The following SH3RF1 variants were observed in gnomAD, a reference collection of about 807,000 sequenced individuals.
SH3RF1 encodes the protein SH3 domain containing ring finger 1, also known as E3 ubiquitin-protein ligase SH3RF1.
In SH3RF1, 32 loss-of-function variants were observed where a neutral mutation model predicts 74.0. The observed-to-expected ratio is 0.43, with a 90% CI of 0.33 to 0.58. SH3RF1 has a LOEUF of 0.58. Among genes scored for constraint, SH3RF1 ranks in the 20% least tolerant of loss-of-function variants. The pLI is 0.05. For missense variants in SH3RF1, 954 were observed against 1,130.9 expected, an observed-to-expected ratio of 0.84 and a Z score of 2.24; for synonymous variants, 396 against 439.6, an observed-to-expected ratio of 0.90 and a Z score of 1.24.
chr4:169,196,619 GC>G (rs1196071000), intron 2 of SH3RF1, among the ~76,000 whole-genome samples: 2 of 152,166 alleles, frequency 1.3e-5, no homozygotes, highest in Non-Finnish European at 2.9e-5. Flanking sequence ...AAAATTAGAA[GC>G]TGGACTTCCT....
intron 1 of SH3RF1, among the ~76,000 whole-genome samples, 173 bp from the exon 2 acceptor site, chr4:169,269,480 A>G (rs1731409788): frequency 6.6e-6 from 1 of 152,216 alleles, no homozygotes; most frequent in South Asian, 2.1e-4. Flanking sequence ...AACTGAAAAC[A>G]AAACAGGCTT....
chr4:169,249,838 A>G (rs747760701), intron 2 of SH3RF1, among the ~76,000 whole-genome samples: 8 of 152,222 alleles, frequency 5.3e-5, no homozygotes, highest in Non-Finnish European at 2.9e-5. Context: ...AATGAGTTGT[A>G]CATATAACCC....
chr4:169,244,042 T>C (rs1447838783), intron 2 of SH3RF1, among the ~76,000 whole-genome samples: 5 of 152,210 alleles, frequency 3.3e-5, no homozygotes, highest in Non-Finnish European at 7.3e-5. Context: ...GCATTCCTGT[T>C]CATTTCTGAT....
rs1733453113 is a variant in SH3RF1 at position 169,122,256 on chromosome 4, G to C, written c.1190C>G (p.Pro397Arg). 1 of 1,594,622 alleles carries C rather than the reference G, an allele frequency of 6.3e-7. No homozygotes were observed. The change falls in exon 7 of 12, where the codon CCT (proline) becomes CGT (arginine). Residue 397 changes from proline to arginine, a missense_variant. By Grantham distance (103) the Pro-to-Arg change is moderately radical. Transcript: ENST00000284637. ...CAGGAGAGGGGGTGGTGGAAGAGGA[G>C]GATTCAAAGTCTAGTATAGGAAAAA... The part of the protein sequence containing the change: ...PYQAALGTLN[P>R]PLPPPPLLAA...
intron 2 of SH3RF1, among the ~76,000 whole-genome samples, chr4:169,187,012 C>CGAA (rs1734616661): frequency 7.8e-6 from 1 of 127,516 alleles, no homozygotes; most frequent in Non-Finnish European, 1.6e-5. Flanking sequence ...GGCTCCATCG[C>CGAA]AAAAAAAAAA....
intron 2 of SH3RF1, among the ~76,000 whole-genome samples, chr4:169,263,479 T>A (rs1050844954): frequency 6.6e-6 from 1 of 152,242 alleles, no homozygotes; most frequent in Non-Finnish European, 1.5e-5. Context: ...TGTTCATAGA[T>A]GGATGTCAAA....
rs10024401 is a variant in SH3RF1, at chr4:169,156,389, A to G, written c.669+15T>C. On this transcript the variant is annotated intron_variant, in intron 3 of 11. Transcript: ENST00000284637. Reference sequence around the variant, plus strand: ...TAGAGCTGGCAAACAGAAAACAAGCACATTCTACCTTTACCTTTGCAAATG... The same window carrying G: ...TAGAGCTGGCAAACAGAAAACAAGCGCATTCTACCTTTACCTTTGCAAATG... The G allele has an allele frequency of 0.3, 465,016 of 1,540,414 alleles. 72,734 individuals are homozygous for G. Among genetic ancestry groups the G allele is most frequent in the African/African-American group, 0.41 (29,476 of 72,720 alleles).
chr4:169,192,549 T>C (rs1734737546), intron 2 of SH3RF1, among the ~76,000 whole-genome samples: 1 of 152,094 alleles, frequency 6.6e-6, no homozygotes. Context: ...GAATGTAAAC[T>C]AGTACAACCA....
intron 2 of SH3RF1, among the ~76,000 whole-genome samples, chr4:169,205,820 C>T (rs567405697): frequency 1.3e-5 from 2 of 152,266 alleles, no homozygotes; most frequent in South Asian, 2.1e-4. Context: ...CAGATATAGA[C>T]ATGTACAAAA....
At chr4:169,106,103 T>C (rs1733129737) in intron 11 of SH3RF1, among the ~76,000 whole-genome samples, 1 of 151,354 alleles carries the variant, frequency 6.6e-6, no homozygotes, top group African/African-American at 2.4e-5. Flanking sequence ...TGTGTATATA[T>C]ATTTATTATT....
intron 2 of SH3RF1, among the ~76,000 whole-genome samples, chr4:169,205,061 G>A (rs1244716475): frequency 6.6e-6 from 1 of 152,210 alleles, no homozygotes; most frequent in Non-Finnish European, 1.5e-5. Flanking sequence ...ACATGCAGTG[G>A]AGTTACCTGA....
At chr4:169,221,191 C>T (rs573486786) in intron 2 of SH3RF1, among the ~76,000 whole-genome samples, 1 of 152,314 alleles carries the variant, frequency 6.6e-6, no homozygotes, top group South Asian at 2.1e-4. Context: ...GAACACAAAA[C>T]CGCAGGCAAG....
At chr4:169,162,647 CAG>C (rs1734168261) in intron 2 of SH3RF1, among the ~76,000 whole-genome samples, 1 of 152,190 alleles carries the variant, frequency 6.6e-6, no homozygotes, top group Non-Finnish European at 1.5e-5. Flanking sequence ...TGCAAATAAA[CAG>C]AAATTAAGAC....
chr4:169,154,277 T>C (rs891094450), intron 4 of SH3RF1, among the ~76,000 whole-genome samples: 7 of 152,160 alleles, frequency 4.6e-5, no homozygotes, highest in Non-Finnish European at 1.0e-4. Context: ...AATTCAAGAC[T>C]CATACATGGT....
At chr4:169,104,208 C>A (rs1319192615) in intron 11 of SH3RF1, among the ~76,000 whole-genome samples, 2 of 152,124 alleles carry the variant, frequency 1.3e-5, no homozygotes, top group African/African-American at 4.8e-5. Context: ...AGTGAACCAT[C>A]ACTCAAAAGA....
Position 169,145,971 on chromosome 4 carries a change from CTA to C in SH3RF1, c.766-9353_766-9352del, listed in dbSNP as rs1213346002. Among the ~76,000 whole-genome samples the C allele has an allele frequency of 2.3e-4, 29 of 128,796 alleles. 4 individuals are homozygous for C. In the South Asian group the frequency reaches 6.8e-3, roughly 30 times the overall value. 84.5% of individuals were successfully genotyped at this position (128,796 alleles called of 152,430 possible). On this transcript the variant is annotated intron_variant, in intron 4 of 11. Coordinates refer to ENST00000284637, the MANE Select transcript of SH3RF1 (RefSeq NM_020870.4). Reference sequence around the variant, plus strand: ...TATTCTATATAAAATATTACATATTCTATATATTATTCTATATAAAATATTAC... The same window carrying C: ...TATTCTATATAAAATATTACATATTCTATATTATTCTATATAAAATATTAC...
At chr4:169,153,614 C>T (rs562766432) in intron 4 of SH3RF1, among the ~76,000 whole-genome samples, 3 of 152,260 alleles carry the variant, frequency 2.0e-5, no homozygotes, top group Non-Finnish European at 2.9e-5. Flanking sequence ...AAGTCTGCCT[C>T]CACTTTATTC....
At chr4:169,215,551 T>C (rs1326992717) in intron 2 of SH3RF1, among the ~76,000 whole-genome samples, 1 of 152,188 alleles carries the variant, frequency 6.6e-6, no homozygotes, top group Admixed American at 6.5e-5. Flanking sequence ...TTTGGTAGAA[T>C]TCATCACATC....
intron 2 of SH3RF1, among the ~76,000 whole-genome samples, chr4:169,236,346 G>A (rs914016820): frequency 3.3e-5 from 5 of 152,158 alleles, no homozygotes; most frequent in Non-Finnish European, 7.4e-5. Context: ...AGCCTTTGTC[G>A]GCTGGGTCTC....
Sources: gnomAD v4.1 joint callset for allele counts (sites outside exome capture counted in the v4.1 genomes callset) on GRCh38, gnomAD v4.1.1 for gene constraint, MANE v1.5 for transcripts, NCBI Gene and HGNC (gene_info 2026-07-23, HGNC 2026-07-21) for gene names.